PTPRN2: variants seen among roughly 807,000 people sequenced by gnomAD.
PTPRN2 encodes the protein protein tyrosine phosphatase receptor type N2.
In PTPRN2, 74 loss-of-function variants were observed where a neutral mutation model predicts 118.8. That is an observed-to-expected ratio of 0.62 (90% CI 0.52 to 0.76). The LOEUF is 0.76. Among genes scored for constraint, PTPRN2 ranks in the 30% least tolerant of loss-of-function variants. The probability of loss-of-function intolerance (pLI) is 0.00; values close to 1 mark genes in which losing one functional copy is unlikely to be tolerated. For missense variants in PTPRN2, 1,481 were observed against 1,394.4 expected (o/e 1.06, Z -0.99); for synonymous variants, 641 against 608.0 (o/e 1.05, Z -0.80).
intron 11 of PTPRN2, among the ~76,000 whole-genome samples, chr7:158,071,019 GTGGTGGAGGTGCTCT>G (rs1272272679): frequency 5.9e-5 from 5 of 84,728 alleles, no homozygotes; most frequent in Non-Finnish European, 1.1e-4. Flanking sequence ...GGAGGTGCTC[GTGGTGGAGGTGCTCT>G]TAGTATGGAG....
At chr7:157,922,227 C>G (rs988147904) in intron 11 of PTPRN2, among the ~76,000 whole-genome samples, 6 of 152,240 alleles carry the variant, frequency 3.9e-5, no homozygotes, top group African/African-American at 9.6e-5. Context: ...CTCTACTGAC[C>G]AGGATTCTGT....
At chr7:157,796,427 T>TGGCA (rs1804873239) in intron 12 of PTPRN2, among the ~76,000 whole-genome samples, 1 of 152,208 alleles carries the variant, frequency 6.6e-6, no homozygotes, top group South Asian at 2.1e-4. Context: ...CGGGGTAAAC[T>TGGCA]GGCAGCTCTG....
intron 12 of PTPRN2, among the ~76,000 whole-genome samples, chr7:157,841,428 C>T (rs1251764021): frequency 6.6e-6 from 1 of 152,222 alleles, no homozygotes; most frequent in Non-Finnish European, 1.5e-5. Flanking sequence ...TTGTACGTGG[C>T]TTTAAGTGAA....
chr7:158,420,934 C>A (rs1815196044), intron 2 of PTPRN2, among the ~76,000 whole-genome samples: 1 of 152,162 alleles, frequency 6.6e-6, no homozygotes, highest in Non-Finnish European at 1.5e-5. Context: ...GCCCTGGGTT[C>A]CAACAGGGCC....
chr7:157,990,896 A>G lies in PTPRN2; in HGVS notation c.1723+90402T>C, dbSNP rs529043488. ...GGGGAGGGGGGCCGAGTCTCCAGTC[A>G]GGCAGAGAGAGCTGCTGGTGTCAAC... On this transcript the variant is annotated intron_variant, in intron 11 of 22. Transcript: ENST00000389418. The surrounding 1 kb of genome is among the most constrained non-coding windows in gnomAD (Gnocchi z 4.3). Among the ~76,000 whole-genome samples, 39 of 152,310 alleles carry G rather than the reference A, an allele frequency of 2.6e-4. No individual in the cohort carries two copies. The highest frequency in any genetic ancestry group is 9.1e-4 in the African/African-American group (38 of 41,582).
intron 5 of PTPRN2, among the ~76,000 whole-genome samples, chr7:158,171,312 T>TATATATACATAAATAC: frequency 3.1e-5 from 1 of 31,882 alleles, no homozygotes. Context: ...TACACACATA[T>TATATATACATAAATAC]ATATATATAT....
chr7:158,241,045 C>T lies in PTPRN2; in HGVS notation c.278-35772G>A, dbSNP rs191857954. On this transcript the variant is annotated intron_variant, in intron 3 of 22. Coordinates refer to ENST00000389418, the MANE Select transcript of PTPRN2 (RefSeq NM_002847.5). ...CCTCAGGCCCAGGGCCCCCTGTGAA[C>T]GTGGATCATGGTCTTGGGCCAGCCA... Among the ~76,000 whole-genome samples the T allele has an allele frequency of 1.7e-4, 26 of 152,240 alleles. No homozygotes were observed. The East Asian group carries it at 4.3e-3, about 25-fold the overall frequency.
intron 2 of PTPRN2, among the ~76,000 whole-genome samples, chr7:158,358,156 G>A (rs939336969): frequency 5.9e-5 from 9 of 152,170 alleles, no homozygotes; most frequent in Non-Finnish European, 1.0e-4. Flanking sequence ...GGGACTGGGT[G>A]CCCAGCAAGC....
chr7:157,697,807 G>A (rs1226473432), intron 12 of PTPRN2, among the ~76,000 whole-genome samples: 43 of 106,410 alleles, frequency 4.0e-4, no homozygotes, highest in South Asian at 1.0e-3. Flanking sequence ...TGCATACTGG[G>A]TCTTCGCAGA....
intron 15 of PTPRN2, among the ~76,000 whole-genome samples, chr7:157,612,566 C>T (rs1298066014): frequency 6.6e-6 from 1 of 152,168 alleles, no homozygotes; most frequent in Non-Finnish European, 1.5e-5. Flanking sequence ...TTTTGTGGAT[C>T]GGGGGCAGAA....
intron 12 of PTPRN2, among the ~76,000 whole-genome samples, chr7:157,684,762 G>A (rs1237938254): frequency 6.6e-6 from 1 of 151,874 alleles, no homozygotes; most frequent in African/African-American, 2.4e-5. Context: ...CTAAGGCGCC[G>A]GCCACGCGCC....
At chr7:157,924,099 G>C (rs1166704888) in intron 11 of PTPRN2, among the ~76,000 whole-genome samples, 1 of 152,130 alleles carries the variant, frequency 6.6e-6, no homozygotes, top group African/African-American at 2.4e-5. Flanking sequence ...AGCTGGAGGA[G>C]GGGGCCCGGT....
chr7:157,558,521 G>A (rs1474513533), intron 21 of PTPRN2, among the ~76,000 whole-genome samples: 2 of 152,262 alleles, frequency 1.3e-5, no homozygotes, highest in Non-Finnish European at 2.9e-5. Flanking sequence ...ACCAAATTGT[G>A]AATATTGAAC....
chr7:157,582,126 AGCC>A (rs1296278725), intron 17 of PTPRN2, among the ~76,000 whole-genome samples: 1 of 152,192 alleles, frequency 6.6e-6, no homozygotes, highest in African/African-American at 2.4e-5. Flanking sequence ...TTGTGATGTC[AGCC>A]CTAGCAAGAG....
chr7:158,432,638 A>G (rs1160994128), intron 2 of PTPRN2, among the ~76,000 whole-genome samples: 1 of 152,260 alleles, frequency 6.6e-6, no homozygotes, highest in African/African-American at 2.4e-5. Context: ...ATATCACTTT[A>G]CAAACTTTTT....
intron 2 of PTPRN2, among the ~76,000 whole-genome samples, chr7:158,362,338 G>A (rs1317891357): frequency 1.3e-5 from 2 of 152,174 alleles, no homozygotes; most frequent in Admixed American, 6.5e-5. Context: ...CTTTCCTCAG[G>A]CCACCCTGGC....
intron 2 of PTPRN2, among the ~76,000 whole-genome samples, chr7:158,372,685 A>G (rs1810167571): frequency 6.6e-6 from 1 of 152,230 alleles, no homozygotes; most frequent in Admixed American, 6.5e-5. Flanking sequence ...TGATCCCCAG[A>G]GTGCCCCAAG....
At chr7:157,578,598 T>TCACGGAAAGCAGTACTG (rs1238897498) in intron 17 of PTPRN2, among the ~76,000 whole-genome samples, 1 of 152,166 alleles carries the variant, frequency 6.6e-6, no homozygotes, top group Non-Finnish European at 1.5e-5. Flanking sequence ...TCAAAGTACT[T>TCACGGAAAGCAGTACTG]CACGGAAAGC....
intron 14 of PTPRN2, among the ~76,000 whole-genome samples, chr7:157,639,750 C>T (rs1323583418): frequency 4.6e-5 from 7 of 152,208 alleles, no homozygotes; most frequent in African/African-American, 9.7e-5. Flanking sequence ...GAGCTGGACC[C>T]GAGCCCCCCA....
Sources: gnomAD v4.1 joint callset for allele counts (sites outside exome capture counted in the v4.1 genomes callset) on GRCh38, gnomAD v4.1.1 for gene constraint, Gnocchi (gnomAD v3.1) non-coding constraint, MANE v1.5 for transcripts, NCBI Gene and HGNC (gene_info 2026-07-23, HGNC 2026-07-21) for gene names.